The following RAD54L2 variants were observed in gnomAD, a reference collection of about 807,000 sequenced individuals.
RAD54L2 encodes the protein helicase ARIP4.
In RAD54L2, 27 loss-of-function variants were observed where a neutral mutation model predicts 138.4. The observed-to-expected ratio is 0.20, with a 90% CI of 0.14 to 0.27. RAD54L2 has a LOEUF of 0.27. RAD54L2 is among the 10% of genes least tolerant of loss of function. The pLI is 1.00. For missense variants in RAD54L2, 1,396 were observed against 1,890.2 expected (o/e 0.74, Z 4.85); for synonymous variants, 644 against 723.2 (o/e 0.89, Z 1.76).
intron 7 of RAD54L2, among the ~76,000 whole-genome samples, chr3:51,631,823 G>A (rs1337958133): frequency 6.6e-6 from 1 of 151,960 alleles, no homozygotes; most frequent in Non-Finnish European, 1.5e-5. Context: ...TTGTAGAGAC[G>A]AGGTCTCACT....
At chr3:51,618,134 ATTT>A (rs58259844) in intron 3 of RAD54L2, among the ~76,000 whole-genome samples, 13 of 112,100 alleles carry the variant, frequency 1.2e-4, no homozygotes, top group Non-Finnish European at 9.6e-5. Flanking sequence ...AATATTTTGT[ATTT>A]TTTTTTTTTT....
chr3:51,557,830 CAAAAAAAAAA>C (rs1166273906), intron 2 of RAD54L2, among the ~76,000 whole-genome samples: 3 of 32,212 alleles, frequency 9.3e-5, no homozygotes, highest in Non-Finnish European at 2.1e-4. Context: ...AACTCCATCT[CAAAAAAAAAA>C]AAAAAAAAAA....
At chr3:51,655,663 C>T (rs1002833471) in intron 19 of RAD54L2, among the ~76,000 whole-genome samples, 1 of 152,188 alleles carries the variant, frequency 6.6e-6, no homozygotes, top group African/African-American at 2.4e-5. Context: ...TAGGGACTAA[C>T]TCCTAATGTA....
chr3:51,634,184 C>T (rs1700919519), intron 9 of RAD54L2, 149 bp downstream of exon 9: 5 of 1,094,644 alleles, frequency 4.6e-6, no homozygotes, highest in Non-Finnish European at 2.5e-6. Flanking sequence ...TCTTGCTACT[C>T]ATTTTTTTCT....
At chr3:51,659,134 C>G (rs373935865) in intron 21 of RAD54L2, among the ~76,000 whole-genome samples, 273 of 120,292 alleles carry the variant, frequency 2.3e-3, no homozygotes, top group African/African-American at 8.3e-3. Flanking sequence ...GAGGCAGAGT[C>G]TCGCTCTGTT....
intron 2 of RAD54L2, among the ~76,000 whole-genome samples, chr3:51,578,745 C>T (rs1473989244): frequency 6.6e-6 from 1 of 152,034 alleles, no homozygotes; most frequent in Non-Finnish European, 1.5e-5. Context: ...GGGGAGGGTG[C>T]CTGTGACCCC....
intron 2 of RAD54L2, among the ~76,000 whole-genome samples, chr3:51,580,652 G>A (rs1451345455): frequency 6.6e-6 from 1 of 152,152 alleles, no homozygotes; most frequent in Admixed American, 6.6e-5. Context: ...CATCACGTAG[G>A]AAATTCCAAG....
intron 22 of RAD54L2, among the ~76,000 whole-genome samples, chr3:51,661,253 T>A (rs1026314919): frequency 1.3e-5 from 2 of 152,206 alleles, no homozygotes; most frequent in African/African-American, 4.8e-5. Flanking sequence ...TGAGCCACCA[T>A]GCCCAGCCAA....
At chr3:51,555,227 T>G (rs1290409138) in intron 2 of RAD54L2, among the ~76,000 whole-genome samples, 1 of 152,102 alleles carries the variant, frequency 6.6e-6, no homozygotes, top group Non-Finnish European at 1.5e-5. Context: ...ATGTAAAGCC[T>G]CTCCCCTCCC....
At position 51,638,457 on chromosome 3, in the gene RAD54L2, G is replaced by T. The variant is rs774501363; in HGVS notation, c.1860+136G>T. On this transcript the variant is annotated intron_variant, in intron 12 of 22. Coordinates refer to ENST00000684192, the MANE Select transcript of RAD54L2 (RefSeq NM_015106.4). This position sits in a 1 kb window ranked among gnomAD's most constrained non-coding sequence, Gnocchi z 4.3. ...GCCACCTCAGTTCACTGCACTGGAGGTTTGGGGGCTCCAAGGAGAGAGGTG... is the reference window on the plus strand; with the variant it reads ...GCCACCTCAGTTCACTGCACTGGAGTTTTGGGGGCTCCAAGGAGAGAGGTG... The T allele has an allele frequency of 5.8e-6, 6 of 1,026,014 alleles. No homozygotes were observed. Among genetic ancestry groups the T allele is most frequent in the South Asian group, 1.7e-5 (1 of 59,930 alleles). 63.6% of individuals were successfully genotyped at this position (1,026,014 alleles called of 1,614,324 possible).
At chr3:51,587,982 C>T (rs1056313577) in intron 2 of RAD54L2, among the ~76,000 whole-genome samples, 1 of 149,242 alleles carries the variant, frequency 6.7e-6, no homozygotes, top group African/African-American at 2.5e-5. Context: ...GTCAGGAGAT[C>T]GAGACCATCC....
At chr3:51,648,664 G>C (rs1701349769) in intron 19 of RAD54L2, among the ~76,000 whole-genome samples, 1 of 152,210 alleles carries the variant, frequency 6.6e-6, no homozygotes, top group African/African-American at 2.4e-5. Context: ...CAGGCAAACA[G>C]GGTTTGGAGT....
In RAD54L2 at chr3:51,644,414, C is replaced by T. The variant is rs184305598; in HGVS notation, c.2450+440C>T. On this transcript the variant is annotated intron_variant, in intron 16 of 22. Transcript: ENST00000684192. ...GAGCTGTGATTGAGCCACTGCAATCCAGCCTAAGCGACAGAGTGAGACCCT... is the reference window on the plus strand; with the variant it reads ...GAGCTGTGATTGAGCCACTGCAATCTAGCCTAAGCGACAGAGTGAGACCCT... Among the ~76,000 whole-genome samples the T allele has an allele frequency of 1.1e-4, 16 of 152,264 alleles. No individual in the cohort carries two copies. The East Asian group carries it at 3.1e-3, about 29-fold the overall frequency.
intron 3 of RAD54L2, among the ~76,000 whole-genome samples, chr3:51,598,958 AAATT>A (rs1700027548): frequency 6.6e-6 from 1 of 152,146 alleles, no homozygotes; most frequent in Admixed American, 6.5e-5. Flanking sequence ...TGGTTCCAGC[AAATT>A]AATTGAACCC....
At chr3:51,658,438 T>A (rs1483185132) in intron 21 of RAD54L2, among the ~76,000 whole-genome samples, 2 of 152,222 alleles carry the variant, frequency 1.3e-5, no homozygotes, top group African/African-American at 4.8e-5. Flanking sequence ...TATGGTAATT[T>A]AAAAAGTCCA....
At chr3:51,582,344 C>G (rs1004356065) in intron 2 of RAD54L2, among the ~76,000 whole-genome samples, 2 of 151,970 alleles carry the variant, frequency 1.3e-5, no homozygotes, top group Non-Finnish European at 2.9e-5. Flanking sequence ...ATTTCTTTCT[C>G]ATTCTTGCCT....
chr3:51,645,892 T>C lies in RAD54L2; in HGVS notation c.2829+129T>C. ...GTGACTTGGACTCAAGGACTTCTTT[T>C]TCTTGCCCCACTCAGTCCCCCTCCC... On this transcript the variant is annotated intron_variant, in intron 18 of 22. Transcript: ENST00000684192. The surrounding 1 kb of genome is among the most constrained non-coding windows in gnomAD (Gnocchi z 6.1). 1 of 1,024,800 alleles carries C rather than the reference T, an allele frequency of 9.8e-7. No individual in the cohort carries two copies. The highest frequency in any genetic ancestry group is 2.7e-5 in the East Asian group (1 of 37,576). The allele number at this position is 1,024,800 out of a possible 1,614,324, so 63.5% of individuals were successfully genotyped here. A position where few individuals can be genotyped will look rare whatever the true frequency, so the allele number is the denominator to read the frequency against.
intron 21 of RAD54L2, among the ~76,000 whole-genome samples, chr3:51,658,955 T>C (rs1253550242): frequency 6.6e-6 from 1 of 152,192 alleles, no homozygotes; most frequent in Non-Finnish European, 1.5e-5. Context: ...CGTGAAATTA[T>C]ATGAATTTCA....
chr3:51,646,543 C>A, intron 19 of RAD54L2, 62 bp downstream of exon 19: 1 of 1,417,778 alleles, frequency 7.1e-7, no homozygotes, highest in South Asian at 1.4e-5. Context: ...TCAACTTGTT[C>A]ATATTTTAAA....
Sources: gnomAD v4.1 joint callset for allele counts (sites outside exome capture counted in the v4.1 genomes callset) on GRCh38, gnomAD v4.1.1 for gene constraint, Gnocchi (gnomAD v3.1) non-coding constraint, MANE v1.5 for transcripts, NCBI Gene and HGNC (gene_info 2026-07-23, HGNC 2026-07-21) for gene names.